The following ZFHX3 variants were observed in gnomAD, a reference collection of about 807,000 sequenced individuals.
ZFHX3 encodes the protein zinc finger homeobox 3.
In ZFHX3, 42 loss-of-function variants were observed where a neutral mutation model predicts 279.1. That is an observed-to-expected ratio of 0.15 (90% confidence interval 0.12 to 0.19). ZFHX3 has a LOEUF of 0.19. ZFHX3 is among the 10% of genes least tolerant of loss of function. ZFHX3 has a pLI of 1.00. For synonymous variants in ZFHX3, 2,293 were observed against 1,957.8 expected, an observed-to-expected ratio of 1.17 and a Z score of -4.52; for missense variants, 4,981 against 4,754.0, an observed-to-expected ratio of 1.05 and a Z score of -1.40.
intron 1 of ZFHX3, among the ~76,000 whole-genome samples, chr16:73,767,762 T>A (rs1022902463): frequency 2.0e-5 from 3 of 152,202 alleles, no homozygotes; most frequent in African/African-American, 7.2e-5. Flanking sequence ...CTATGTGATC[T>A]GCGATGGGAG....
chr16:73,136,327 T>C (rs1248705569), intron 6 of ZFHX3, among the ~76,000 whole-genome samples: 1 of 152,180 alleles, frequency 6.6e-6, no homozygotes, highest in Non-Finnish European at 1.5e-5. Context: ...TTTTTGGAAT[T>C]TGGGGTGACC....
At chr16:73,798,419 A>AG (rs1960055703) in intron 1 of ZFHX3, among the ~76,000 whole-genome samples, 2 of 152,004 alleles carry the variant, frequency 1.3e-5, no homozygotes, top group Non-Finnish European at 2.9e-5. Context: ...CCAAAATTTA[A>AG]GGAGAAGGTG....
chr16:73,354,165 T>A (rs2016295405), intron 3 of ZFHX3, among the ~76,000 whole-genome samples: 1 of 152,162 alleles, frequency 6.6e-6, no homozygotes, highest in Non-Finnish European at 1.5e-5. Context: ...ACACTAAAAC[T>A]AAAAATCATT....
chr16:73,221,079 C>T (rs1816466271), intron 5 of ZFHX3, among the ~76,000 whole-genome samples: 1 of 152,144 alleles, frequency 6.6e-6, no homozygotes, highest in African/African-American at 2.4e-5. Flanking sequence ...GGGACAAAGA[C>T]TCTTGGGAAG....
chr16:72,919,207 A>C (rs1214800648), intron 3 of ZFHX3, among the ~76,000 whole-genome samples: 1 of 150,932 alleles, frequency 6.6e-6, no homozygotes, highest in Non-Finnish European at 1.5e-5. Context: ...CCCAGGCTGG[A>C]GTGTGCAGAG....
At chr16:73,377,934 G>A (rs1053131573) in intron 3 of ZFHX3, among the ~76,000 whole-genome samples, 14 of 148,468 alleles carry the variant, frequency 9.4e-5, no homozygotes, top group Non-Finnish European at 1.6e-4. Context: ...TCAGGAGGCT[G>A]GGGCAGGAGA....
intron 1 of ZFHX3, among the ~76,000 whole-genome samples, chr16:73,885,593 G>C (rs1021585548): frequency 7.3e-4 from 111 of 152,186 alleles, no homozygotes; most frequent in African/African-American, 2.6e-3. Flanking sequence ...GTCTAAAGAT[G>C]CTCCCACCAA....
At chr16:72,895,236 G>A (rs2038870995) in intron 3 of ZFHX3, among the ~76,000 whole-genome samples, 1 of 152,190 alleles carries the variant, frequency 6.6e-6, no homozygotes, top group South Asian at 2.1e-4. Flanking sequence ...ATAAGGAAGG[G>A]TATAATGAGG....
intron 1 of ZFHX3, among the ~76,000 whole-genome samples, chr16:73,830,184 C>G (rs1162478856): frequency 7.4e-6 from 1 of 135,188 alleles, no homozygotes; most frequent in Admixed American, 7.5e-5. Flanking sequence ...GCGTCCGTCA[C>G]CCCTTTCTTT....
At chr16:73,734,288 G>A (rs1424127386) in intron 1 of ZFHX3, among the ~76,000 whole-genome samples, 1 of 152,124 alleles carries the variant, frequency 6.6e-6, no homozygotes, top group Admixed American at 6.5e-5. Context: ...ATCTCAAATT[G>A]CCAAAGAATA....
At chr16:73,064,668 G>A (rs963135994), upstream of ZFHX3, among the ~76,000 whole-genome samples, 2 of 152,124 alleles carry the variant, frequency 1.3e-5, no homozygotes, top group African/African-American at 4.8e-5. Flanking sequence ...TGGAGCGCCC[G>A]GATCCTTGAA....
chr16:73,716,513 G>A (rs2053415683), intron 1 of ZFHX3, among the ~76,000 whole-genome samples: 3 of 151,902 alleles, frequency 2.0e-5, no homozygotes, highest in Admixed American at 2.0e-4. Flanking sequence ...TAGGACTCAG[G>A]ACCTCCCACC....
intron 1 of ZFHX3, among the ~76,000 whole-genome samples, chr16:73,744,617 T>G (rs2053687682): frequency 6.6e-6 from 1 of 152,180 alleles, no homozygotes; most frequent in African/African-American, 2.4e-5. Context: ...GCATATCTGG[T>G]TGGCATCTTT....
intron 2 of ZFHX3, among the ~76,000 whole-genome samples, chr16:73,617,419 C>T (rs1300787646): frequency 6.6e-6 from 1 of 152,082 alleles, no homozygotes; most frequent in Non-Finnish European, 1.5e-5. Flanking sequence ...TAGGTACCTA[C>T]GACATAATTA....
intron 2 of ZFHX3, among the ~76,000 whole-genome samples, chr16:73,632,487 C>T (rs2052483763): frequency 6.6e-6 from 1 of 151,442 alleles, no homozygotes; most frequent in Non-Finnish European, 1.5e-5. Context: ...GAGATTGAGA[C>T]TTATCCTGGC....
intron 5 of ZFHX3, among the ~76,000 whole-genome samples, chr16:72,815,215 C>T (rs2036571403): frequency 6.6e-6 from 1 of 152,100 alleles, no homozygotes; most frequent in South Asian, 2.1e-4. Context: ...CAAGACCAGC[C>T]TAGGCAACAT....
chr16:73,609,333 G>A (rs529238749), intron 2 of ZFHX3: 1 of 152,092 alleles, frequency 6.6e-6, no homozygotes, highest in South Asian at 2.1e-4. Context: ...CCCTGCTCGT[G>A]GAAAATAAAT....
intron 4 of ZFHX3, among the ~76,000 whole-genome samples, chr16:72,874,197 G>GTTTTTTTT (rs2038242298): frequency 5.6e-5 from 5 of 89,696 alleles, no homozygotes; most frequent in African/African-American, 2.8e-4. Context: ...AGGATTTTTT[G>GTTTTTTTT]ATTTTTTTTT....
chr16:73,389,550 G>A (rs1022509222), intron 3 of ZFHX3, among the ~76,000 whole-genome samples: 4 of 152,192 alleles, frequency 2.6e-5, no homozygotes, highest in African/African-American at 4.8e-5. Context: ...GGCCTAGTAC[G>A]TGATTCTCTT....
Sources: gnomAD v4.1 joint callset for allele counts (sites outside exome capture counted in the v4.1 genomes callset) on GRCh38, gnomAD v4.1.1 for gene constraint, MANE v1.5 for transcripts, NCBI Gene and HGNC (gene_info 2026-07-23, HGNC 2026-07-21) for gene names.